The following KMT2C variants were observed in gnomAD, a reference collection of about 807,000 sequenced individuals.
KMT2C encodes lysine methyltransferase 2C.
KMT2C carries 88 observed loss-of-function variants against 507.9 expected under a neutral mutation model. The ratio of observed to expected loss-of-function variants is 0.17; its 90% confidence interval spans 0.15 to 0.21. KMT2C has a LOEUF of 0.21. KMT2C is among the 10% of genes least tolerant of loss of function. The probability of loss-of-function intolerance (pLI) is 1.00; values close to 1 mark genes in which losing one functional copy is unlikely to be tolerated. For synonymous variants in KMT2C, 2,049 were observed against 2,080.8 expected, an observed-to-expected ratio of 0.98 and a Z score of 0.42; for missense variants, 4,954 against 5,957.8, an observed-to-expected ratio of 0.83 and a Z score of 5.55.
At chr7:152,179,510 A>T (rs936810800) in intron 37 of KMT2C, among the ~76,000 whole-genome samples, 3 of 152,232 alleles carry the variant, frequency 2.0e-5, no homozygotes, top group African/African-American at 7.2e-5. Flanking sequence ...TAGAGGAAAA[A>T]AATGTCTATG....
Position 152,182,180 on chromosome 7 carries a change from G to A in KMT2C, c.5680C>T (p.Pro1894Ser). 1.9e-6 allele frequency: 3 copies of A among 1,614,194 alleles called. No individual in the cohort carries two copies. Among genetic ancestry groups the A allele is most frequent in the Non-Finnish European group, 2.5e-6 (3 of 1,180,038 alleles). ...PGSSNSRPPS[P>S]MDPYAKMVGT... ...ACCATTTTTGCATATGGATCCATTG[G>A]AGATGGTGGTCGTGAGTTAGAGGAC... Residue 1894 changes from proline (P) to serine (S), a missense_variant, in exon 36 of 59, where the codon CCA becomes TCA. By Grantham distance (74) the Pro-to-Ser change is moderately conservative. This residue lies in a region of KMT2C where 1,689 missense variants were observed against 1,654.3 expected (regional missense o/e 1.02). Coordinates refer to ENST00000262189, the MANE Select transcript of KMT2C (RefSeq NM_170606.3).
intron 1 of KMT2C, among the ~76,000 whole-genome samples, chr7:152,394,486 C>T (rs2097525015): frequency 6.6e-6 from 1 of 152,238 alleles, no homozygotes; most frequent in Admixed American, 6.5e-5. Context: ...ATGCTCTTTC[C>T]CCAAATATCT....
In KMT2C at chr7:152,315,010, A is replaced by G. The variant is rs192088251; in HGVS notation, c.590+128T>C. 8.4e-5 allele frequency: 62 copies of G among 739,036 alleles called. No individual in the cohort carries two copies. In the Admixed American group the frequency reaches 1.4e-3, roughly 17 times the overall value. The allele number at this position is 739,036 out of a possible 1,614,324, so 45.8% of individuals were successfully genotyped here. A position where few individuals can be genotyped will look rare whatever the true frequency, so the allele number is the denominator to read the frequency against. ...GGTTAATGGTGAGTCAGAGTATCCC[A>G]TAAATGTGGAGAACAGGAGAAACTG... On this transcript the variant is annotated intron_variant, in intron 4 of 58. Coordinates refer to ENST00000262189, the MANE Select transcript of KMT2C (RefSeq NM_170606.3).
chr7:152,351,543 ATAAC>A (rs2097110830), intron 2 of KMT2C, among the ~76,000 whole-genome samples: 1 of 152,240 alleles, frequency 6.6e-6, no homozygotes, highest in Non-Finnish European at 1.5e-5. Flanking sequence ...GTGGACTCAC[ATAAC>A]TAATTCTCAA....
intron 6 of KMT2C, among the ~76,000 whole-genome samples, chr7:152,282,897 A>AT (rs1325362616): frequency 6.6e-6 from 1 of 152,102 alleles, no homozygotes; most frequent in Non-Finnish European, 1.5e-5. Context: ...AATTAAGAGA[A>AT]TTTTAGATAA....
chr7:152,213,750 T>TAAA (rs922863914), intron 23 of KMT2C, among the ~76,000 whole-genome samples: 2 of 76,296 alleles, frequency 2.6e-5, no homozygotes, highest in African/African-American at 4.7e-5. Context: ...TGCATAGCAA[T>TAAA]AAAAAAAAAA....
chr7:152,181,636 G>A lies in KMT2C; in HGVS notation c.6224C>T (p.Pro2075Leu), dbSNP rs1225336268. 2 of 1,613,982 alleles carry A rather than the reference G, an allele frequency of 1.2e-6. No homozygotes were observed. Among genetic ancestry groups the A allele is most frequent in the African/African-American group, 1.3e-5 (1 of 74,920 alleles). The change falls in exon 36 of 59, where the codon CCT becomes CTT. Residue 2075 changes from proline (P) to leucine (L), a missense_variant. By Grantham distance (98) the Pro-to-Leu change is moderately conservative (BLOSUM62 -3). Around this residue, in one of 29 missense-constraint regions of KMT2C, gnomAD observed 1,689 missense variants for 1,654.3 expected, o/e 1.02. Transcript: ENST00000262189. ...RRLSVDPYER[P>L]ALTPRPIDNF... ...ATCTATAGGTCTTGGTGTCAAAGCA[G>A]GCCTTTCATAAGGGTCAACAGACAA...
At chr7:152,340,273 C>T (rs1205269965) in intron 2 of KMT2C, among the ~76,000 whole-genome samples, 1 of 151,898 alleles carries the variant, frequency 6.6e-6, no homozygotes, top group Non-Finnish European at 1.5e-5. Flanking sequence ...CAGGCATGAG[C>T]CACCATCACC....
rs752323866 is a variant in KMT2C at position 152,171,323 on chromosome 7, C to A, written c.9394G>T (p.Val3132Leu). 6.2e-7 allele frequency: 1 copy of A among 1,605,828 alleles called. No homozygotes were observed. Among genetic ancestry groups the A allele is most frequent in the East Asian group, 2.2e-5 (1 of 44,470 alleles). Residue 3132 changes from valine to leucine, a missense_variant, in exon 40 of 59, where the codon GTG (valine) becomes TTG (leucine). Val to Leu is a conservative substitution (Grantham distance 32, BLOSUM62 1). Transcript: ENST00000262189. ...TCACTGTTCTGTGTTCCAGTTACCA[C>A]CTGGCCCATAAAAGGGAACCTGTCA... Reference protein sequence around the residue: ...VMSRFPFMGQVVTGTQNSEGQ... With the variant: ...VMSRFPFMGQLVTGTQNSEGQ...
chr7:152,251,498 A>G (rs577305859), intron 11 of KMT2C, among the ~76,000 whole-genome samples: 5 of 152,310 alleles, frequency 3.3e-5, no homozygotes, highest in Admixed American at 1.3e-4. Context: ...TCTAAGACTC[A>G]TGTTTTTAAC....
chr7:152,249,948 G>C lies in KMT2C; in HGVS notation c.1741C>G (p.Gln581Glu), dbSNP rs2129165544. 1.9e-6 allele frequency: 3 copies of C among 1,604,166 alleles called. No homozygotes were observed. Among genetic ancestry groups the C allele is most frequent in the Non-Finnish European group, 1.7e-6 (2 of 1,171,756 alleles). Residue 581 changes from glutamine (Q) to glutamate (E), a missense_variant, in exon 13 of 59, where the codon CAA becomes GAA. By Grantham distance (29) the Gln-to-Glu change is conservative. This residue lies in a region of KMT2C where 376 missense variants were observed against 352.4 expected (regional missense o/e 1.07). Coordinates refer to ENST00000262189, the MANE Select transcript of KMT2C (RefSeq NM_170606.3). ...TTCTGTTGCTCTTCAGTGTGGACTT[G>C]AACCGCTGTGAGTAACACATTTATA... is the stretch of plus-strand genomic sequence containing the variant. Reference protein sequence around the residue: ...STPGIVPDAVQVHTEEQQKSH... With the variant: ...STPGIVPDAVEVHTEEQQKSH...
rs144623745 is a variant in KMT2C at position 152,145,399 on chromosome 7, G to A, written c.14032-104C>T. On this transcript the variant is annotated intron_variant, in intron 53 of 58. Transcript: ENST00000262189. Reference sequence around the variant, plus strand: ...CCCACGACAGAAATAACTCATCAGCGTTTTCCCCGATAATAAAATGGTCTT... The same window carrying A: ...CCCACGACAGAAATAACTCATCAGCATTTTCCCCGATAATAAAATGGTCTT... The A allele has an allele frequency of 2.0e-3, 2,211 of 1,122,194 alleles. 5 individuals carry two copies. The highest frequency in any genetic ancestry group is 2.3e-3 in the Middle Eastern group (11 of 4,840). The allele number at this position is 1,122,194 out of a possible 1,614,324, so 69.5% of individuals were successfully genotyped here. A position where few individuals can be genotyped will look rare whatever the true frequency, so the allele number is the denominator to read the frequency against.
intron 1 of KMT2C, among the ~76,000 whole-genome samples, chr7:152,369,285 C>T (rs1786339822): frequency 6.6e-6 from 1 of 151,058 alleles, no homozygotes; most frequent in Non-Finnish European, 1.5e-5. Flanking sequence ...ATCACGCCAC[C>T]ACACTCCAGC....
rs1278368570 is a variant in KMT2C at position 152,315,119 on chromosome 7, T to G, written c.590+19A>C. The G allele has an allele frequency of 1.9e-6, 3 of 1,603,692 alleles. No homozygotes were observed. The South Asian group carries it at 3.3e-5, about 18-fold the overall frequency. On this transcript the variant is annotated intron_variant, in intron 4 of 58. Transcript: ENST00000262189. ...TGCAGTCTTAATCTATTCCAACATT[T>G]AAAGTCGAAACTGCTTACTTTCTCT...
At chr7:152,425,572 C>T (rs943950778) in intron 1 of KMT2C, among the ~76,000 whole-genome samples, 2 of 152,070 alleles carry the variant, frequency 1.3e-5, no homozygotes, top group Non-Finnish European at 2.9e-5. Flanking sequence ...AGCGAAACTC[C>T]GTCTCAAAAA....
chr7:152,318,650 A>T (rs1333844120), intron 3 of KMT2C, among the ~76,000 whole-genome samples: 8 of 133,148 alleles, frequency 6.0e-5, no homozygotes, highest in Non-Finnish European at 7.6e-5. Context: ...AAAAAAAAAT[A>T]GGTGCAAAAA....
chr7:152,327,134 A>G (rs2096836270), intron 3 of KMT2C, among the ~76,000 whole-genome samples: 1 of 152,220 alleles, frequency 6.6e-6, no homozygotes, highest in African/African-American at 2.4e-5. Flanking sequence ...TTATTAATCT[A>G]CCTCAAGGTT....
At chr7:152,405,783 G>C (rs2097608310) in intron 1 of KMT2C, among the ~76,000 whole-genome samples, 1 of 152,310 alleles carries the variant, frequency 6.6e-6, no homozygotes, top group South Asian at 2.1e-4. Context: ...TTGGGAGTTT[G>C]AGACCAGCCT....
At chr7:152,274,023 T>C (rs1000874946) in intron 6 of KMT2C, among the ~76,000 whole-genome samples, 156 bp from the exon 7 acceptor site, 7 of 152,122 alleles carry the variant, frequency 4.6e-5, no homozygotes, top group South Asian at 2.1e-4. Context: ...AATAATAAAA[T>C]CTACATTACT....
Sources: allele counts gnomAD v4.1 joint callset (sites outside exome capture counted in the v4.1 genomes callset), GRCh38; gene constraint gnomAD v4.1.1; regional missense constraint gnomAD v4.1.1; transcripts MANE v1.5; gene names NCBI Gene and HGNC (gene_info 2026-07-23, HGNC 2026-07-21).